The following AKAP8 variants were observed in gnomAD, a reference collection of about 807,000 sequenced individuals.
AKAP8 encodes the protein A-kinase anchoring protein 8, also known as A-kinase anchor protein 8.
In AKAP8, 24 loss-of-function variants were observed where a neutral mutation model predicts 67.5. The observed-to-expected ratio is 0.36, with a 90% CI of 0.26 to 0.50. AKAP8 has a LOEUF of 0.50. Among genes scored for constraint, AKAP8 ranks in the 20% least tolerant of loss-of-function variants. AKAP8 has a pLI of 0.97. For missense variants in AKAP8, 971 were observed against 955.9 expected (o/e 1.02, Z -0.21); for synonymous variants, 400 against 371.1 (o/e 1.08, Z -0.90).
At chr19:15,364,042 C>T (rs1967025409) in intron 9 of AKAP8, among the ~76,000 whole-genome samples, 1 of 120,016 alleles carries the variant, frequency 8.3e-6, no homozygotes, top group South Asian at 2.7e-4. Flanking sequence ...GAGAAACACC[C>T]AAGAATGATC....
intron 9 of AKAP8, among the ~76,000 whole-genome samples, chr19:15,363,797 A>G (rs1463741477): frequency 6.6e-6 from 1 of 152,068 alleles, no homozygotes; most frequent in Non-Finnish European, 1.5e-5. Flanking sequence ...GAGACTTTTC[A>G]TTTTGTTCTA....
intron 9 of AKAP8, among the ~76,000 whole-genome samples, 180 bp from the exon 10 acceptor site, chr19:15,362,431 C>G (rs1488528735): frequency 1.7e-5 from 1 of 58,372 alleles, no homozygotes; most frequent in Non-Finnish European, 3.4e-5. Context: ...GGTACTGCTG[C>G]CATCTCGGCT....
chr19:15,357,794 A>G (rs1966904392), intron 13 of AKAP8, among the ~76,000 whole-genome samples: 1 of 146,728 alleles, frequency 6.8e-6, no homozygotes, highest in Non-Finnish European at 1.5e-5. Context: ...GCTCACTGCA[A>G]CCTCCGCCTC....
chr19:15,368,164 C>A (rs1424631945), intron 9 of AKAP8, 71 bp downstream of exon 9: 2 of 1,583,152 alleles, frequency 1.3e-6, no homozygotes, highest in Non-Finnish European at 1.7e-6. Flanking sequence ...GGAGCGAGGA[C>A]AGGTGAGCTC....
chr19:15,375,404 G>T (rs959525551), intron 2 of AKAP8, among the ~76,000 whole-genome samples: 5 of 152,152 alleles, frequency 3.3e-5, no homozygotes, highest in Admixed American at 6.6e-5. Context: ...GTAGCCCTGT[G>T]CTCTCAGGCT....
Position 15,354,940 on chromosome 19 carries a change from G to C in AKAP8, c.2054C>G (p.Ser685Cys), listed in dbSNP as rs781734939. 6.2e-7 allele frequency: 1 copy of C among 1,614,124 alleles called. No homozygotes were observed. The change falls in exon 14 of 14, where the codon TCT (serine) becomes TGT (cysteine). Residue 685 changes from serine (S) to cysteine (C), a missense_variant. Transcript: ENST00000269701. ...DAEVEQTDAE[S>C]KDAVPTE The stretch of plus-strand genomic sequence containing the variant: ...TCATTCTGTGGGAACAGCGTCTTTA[G>C]ACTCTGCATCAGTTTGTTCCACTTC...
At chr19:15,360,220 G>A (rs1966943853) in intron 12 of AKAP8, among the ~76,000 whole-genome samples, 1 of 152,114 alleles carries the variant, frequency 6.6e-6, no homozygotes, top group South Asian at 2.1e-4. Flanking sequence ...TGGGTGAGCA[G>A]CTCTTGACCT....
At position 15,355,305 on chromosome 19, in the gene AKAP8, ACCT is replaced by A. The variant is rs753977154; in HGVS notation, c.1686_1688del (p.Gly563del). 3.1e-6 allele frequency: 5 copies of A among 1,612,602 alleles called. No homozygotes were observed. Among genetic ancestry groups the A allele is most frequent in the Non-Finnish European group, 3.4e-6 (4 of 1,179,816 alleles). The stretch of plus-strand genomic sequence containing the variant: ...CCTCAGGTGTCTCTTTCTTATCCTC[ACCT>A]CCTAAATTGTCATCTCCTTCCATTT... On this transcript the variant is annotated inframe_deletion, in exon 14 of 14. Coordinates refer to ENST00000269701, the MANE Select transcript of AKAP8 (RefSeq NM_005858.4).
chr19:15,376,712 C>T (rs1178150022), intron 2 of AKAP8, among the ~76,000 whole-genome samples: 1 of 152,204 alleles, frequency 6.6e-6, no homozygotes, highest in East Asian at 1.9e-4. Context: ...CACTAACACG[C>T]AAAAATTAGG....
At chr19:15,374,513 C>A (rs1040527453) in intron 3 of AKAP8, 90 bp downstream of exon 3, 5 of 1,481,502 alleles carry the variant, frequency 3.4e-6, no homozygotes, top group Non-Finnish European at 3.7e-6. Context: ...AGAAAGTCCA[C>A]GCCAGACCTC....
At position 15,373,212 on chromosome 19, in the gene AKAP8, C is replaced by G. The variant is rs148526102; in HGVS notation, c.500G>C (p.Gly167Ala). Residue 167 changes from glycine (G) to alanine (A), a missense_variant, in exon 5 of 14, where the codon GGG becomes GCG. Transcript: ENST00000269701. ...DLGSDRNGSF[G>A]GQYSECRDPA... Reference sequence around the variant, plus strand: ...GTCTCGGCATTCACTGTACTGCCCCCCAAAGCTGCCATTGCGGTCGGACCC... The same window carrying G: ...GTCTCGGCATTCACTGTACTGCCCCGCAAAGCTGCCATTGCGGTCGGACCC... 18 of 1,613,810 alleles carry G rather than the reference C, an allele frequency of 1.1e-5. No individual in the cohort carries two copies. In the East Asian group the frequency reaches 1.3e-4, roughly 12 times the overall value.
intron 1 of AKAP8, among the ~76,000 whole-genome samples, chr19:15,377,902 T>C (rs1422045083): frequency 6.6e-6 from 1 of 152,104 alleles, no homozygotes; most frequent in Non-Finnish European, 1.5e-5. Context: ...GTCTGGTCCC[T>C]CCAGGAAGGA....
intron 9 of AKAP8, among the ~76,000 whole-genome samples, chr19:15,363,372 C>A (rs1313651269): frequency 6.8e-6 from 1 of 146,164 alleles, no homozygotes; most frequent in African/African-American, 2.5e-5. Context: ...GTCAGCCCCC[C>A]GCCCGGCCAG....
At chr19:15,367,433 C>G (rs1036181197) in intron 9 of AKAP8, among the ~76,000 whole-genome samples, 5 of 152,118 alleles carry the variant, frequency 3.3e-5, no homozygotes, top group Non-Finnish European at 7.4e-5. Context: ...GAGGCTGAGG[C>G]AGGAGAACCG....
intron 10 of AKAP8, 73 bp from the exon 11 acceptor site, chr19:15,361,895 C>T: frequency 6.8e-7 from 1 of 1,472,034 alleles, no homozygotes; most frequent in South Asian, 1.2e-5. Context: ...ACTGCCAGGG[C>T]TAGGCAGGCA....
Position 15,374,005 on chromosome 19 carries a change from T to C in AKAP8, c.152A>G (p.Tyr51Cys). ...CTCCCACGAGGCTGGGCCGTAGCTG[T>C]AGGTTGCGCCTGTGGTGACACTGGT... The part of the protein sequence containing the change: ...QNTSVTTGAT[Y>C]SYGPASWEAA... The change falls in exon 4 of 14, where the codon TAC (tyrosine) becomes TGC (cysteine). Residue 51 changes from tyrosine to cysteine, a missense_variant. Around this residue, in one of 3 missense-constraint regions of AKAP8, gnomAD observed 763 missense variants for 745.4 expected, o/e 1.02. Coordinates refer to ENST00000269701, the MANE Select transcript of AKAP8 (RefSeq NM_005858.4). 4.3e-6 allele frequency: 7 copies of C among 1,609,492 alleles called. No homozygotes were observed. The highest frequency in any genetic ancestry group is 5.9e-6 in the Non-Finnish European group (7 of 1,178,304).
chr19:15,376,288 GGATT>G (rs1438261460), intron 2 of AKAP8, among the ~76,000 whole-genome samples: 8 of 152,166 alleles, frequency 5.3e-5, no homozygotes, highest in Non-Finnish European at 8.8e-5. Flanking sequence ...TTTGATTATG[GGATT>G]GATTATGAGG....
At chr19:15,373,746 A>G (rs2145084537) in intron 4 of AKAP8, 40 bp downstream of exon 4, 1 of 1,571,946 alleles carries the variant, frequency 6.4e-7, no homozygotes, top group South Asian at 1.2e-5. Context: ...AAAGGTGGGG[A>G]TGTGTGGGGT....
chr19:15,364,815 C>T (rs962049365), intron 9 of AKAP8, among the ~76,000 whole-genome samples: 4 of 151,950 alleles, frequency 2.6e-5, no homozygotes, highest in Non-Finnish European at 5.9e-5. Flanking sequence ...GATGAGATTT[C>T]ACTGTATTGC....
Sources: allele counts gnomAD v4.1 joint callset (sites outside exome capture counted in the v4.1 genomes callset), GRCh38; gene constraint gnomAD v4.1.1; regional missense constraint gnomAD v4.1.1; transcripts MANE v1.5; gene names NCBI Gene and HGNC (gene_info 2026-07-23, HGNC 2026-07-21).